BTBD8: variants seen among roughly 807,000 people sequenced by gnomAD.
BTBD8 encodes BTB domain containing 8.
Under a neutral mutation model 162.9 loss-of-function variants are expected in BTBD8, and 110 were observed. The ratio of observed to expected loss-of-function variants is 0.68; its 90% CI spans 0.58 to 0.79. The LOEUF is 0.79. Among genes scored for constraint, BTBD8 ranks in the 30% least tolerant of loss-of-function variants. The pLI is 0.00. For missense variants in BTBD8, 1,905 were observed against 2,085.4 expected (o/e 0.91, Z 1.68); for synonymous variants, 667 against 716.1 (o/e 0.93, Z 1.10).
chr1:92,089,648 G>A (rs1648246704), intron 2 of BTBD8, among the ~76,000 whole-genome samples: 1 of 152,064 alleles, frequency 6.6e-6, no homozygotes, highest in African/African-American at 2.4e-5. Context: ...CCCTCACATG[G>A]CAAAAGAGAT....
At chr1:92,141,382 A>G (rs1165084332) in intron 7 of BTBD8, among the ~76,000 whole-genome samples, 171 bp downstream of exon 7, 1 of 152,242 alleles carries the variant, frequency 6.6e-6, no homozygotes, top group Non-Finnish European at 1.5e-5. Context: ...TGTAAAAATC[A>G]GAAACTAATT....
intron 9 of BTBD8, among the ~76,000 whole-genome samples, chr1:92,156,910 C>CTT (rs1266175721): frequency 6.6e-6 from 1 of 151,136 alleles, no homozygotes; most frequent in Non-Finnish European, 1.5e-5. Context: ...TTTTAAAAAA[C>CTT]TGTTTTTCTA....
chr1:92,111,175 T>G (rs1648883503), intron 4 of BTBD8, among the ~76,000 whole-genome samples: 1 of 151,938 alleles, frequency 6.6e-6, no homozygotes, highest in African/African-American at 2.4e-5. Flanking sequence ...TGCTTTTTAG[T>G]AGAGACAGGG....
At chr1:92,109,475 G>A (rs891213864) in intron 4 of BTBD8, among the ~76,000 whole-genome samples, 1 of 152,058 alleles carries the variant, frequency 6.6e-6, no homozygotes, top group African/African-American at 2.4e-5. Flanking sequence ...GAACTAACAG[G>A]ACTGTGTTTT....
chr1:92,165,098 G>GT (rs2100664749), intron 9 of BTBD8, among the ~76,000 whole-genome samples: 1 of 150,602 alleles, frequency 6.6e-6, no homozygotes, highest in African/African-American at 2.5e-5. Context: ...TCCAGCCTGG[G>GT]TGACAGAGCA....
intron 9 of BTBD8, among the ~76,000 whole-genome samples, chr1:92,165,052 T>C (rs1650355004): frequency 6.6e-6 from 1 of 151,380 alleles, no homozygotes; most frequent in Admixed American, 6.6e-5. Context: ...TCTCAGGAGT[T>C]TGAGGCTGCA....
intron 16 of BTBD8, 98 bp downstream of exon 16, chr1:92,178,549 A>G (rs1650790316): frequency 1.1e-6 from 1 of 918,896 alleles, no homozygotes; most frequent in South Asian, 1.9e-5. Context: ...AATAAGCAAA[A>G]TATGGTTTTA....
chr1:92,177,416 A>T lies in BTBD8; in HGVS notation c.2223A>T (p.Glu741Asp). 6.4e-7 allele frequency: 1 copy of T among 1,551,752 alleles called. No individual in the cohort carries two copies. Among genetic ancestry groups the T allele is most frequent in the Non-Finnish European group, 8.7e-7 (1 of 1,146,994 alleles). Residue 741 changes from glutamate (E) to aspartate (D), a missense_variant, in exon 14 of 18, where the codon GAA becomes GAT. Physicochemically the swap from Glu to Asp is conservative, Grantham distance 45. This residue lies in a region of BTBD8 where 1,374 missense variants were observed against 1,442.7 expected (regional missense o/e 0.95). Transcript: ENST00000636805. ...GTATGGAATTCTCAATTTCCACTGA[A>T]TGTCTGGATGAACCGAAAGAAAATG... ...DSSMEFSISTECLDEPKENGS... is the reference protein window; with the variant it reads ...DSSMEFSISTDCLDEPKENGS...
intron 4 of BTBD8, among the ~76,000 whole-genome samples, chr1:92,110,435 C>T (rs1042333991): frequency 6.6e-6 from 1 of 152,200 alleles, no homozygotes; most frequent in African/African-American, 2.4e-5. Context: ...TGTTACTGAG[C>T]ACTCATTGGG....
chr1:92,129,663 G>A (rs1261503703), intron 4 of BTBD8, 24 bp from the exon 5 acceptor site: 1 of 1,560,624 alleles, frequency 6.4e-7, no homozygotes, highest in Non-Finnish European at 8.8e-7. Flanking sequence ...GTTTACCTGT[G>A]TTTCTCCCCC....
intron 9 of BTBD8, among the ~76,000 whole-genome samples, chr1:92,155,833 A>G (rs1456170609): frequency 6.6e-6 from 1 of 152,052 alleles, no homozygotes; most frequent in Non-Finnish European, 1.5e-5. Context: ...TTTTTGGTGA[A>G]GTGTTTAGAG....
At chr1:92,091,959 C>T (rs1014562156) in intron 2 of BTBD8, among the ~76,000 whole-genome samples, 1 of 152,070 alleles carries the variant, frequency 6.6e-6, no homozygotes. Flanking sequence ...ATCAGTTGCC[C>T]ATTGCTGTGG....
At chr1:92,156,611 C>T (rs1302134752) in intron 9 of BTBD8, among the ~76,000 whole-genome samples, 1 of 152,132 alleles carries the variant, frequency 6.6e-6, no homozygotes, top group Non-Finnish European at 1.5e-5. Flanking sequence ...ACAGCTCAAT[C>T]TCCTACACAT....
At chr1:92,098,381 T>A (rs565142483) in intron 2 of BTBD8, among the ~76,000 whole-genome samples, 1 of 152,322 alleles carries the variant, frequency 6.6e-6, no homozygotes, top group Non-Finnish European at 1.5e-5. Flanking sequence ...AAATCTGCTA[T>A]GAACATTTAT....
Position 92,090,334 on chromosome 1 carries a change from C to T in BTBD8, c.347+1439C>T, listed in dbSNP as rs545279187. ...TCTTCTGTATTTTTTTATTATTACCCTCCTTGTGGATGTGAACTAGTATCT... is the reference window on the plus strand; with the variant it reads ...TCTTCTGTATTTTTTTATTATTACCTTCCTTGTGGATGTGAACTAGTATCT... On this transcript the variant is annotated intron_variant, in intron 2 of 17. Transcript: ENST00000636805. Among the ~76,000 whole-genome samples the T allele has an allele frequency of 1.8e-3, 275 of 152,240 alleles. 2 individuals are homozygous for T. Among genetic ancestry groups the T allele is most frequent in the Non-Finnish European group, 3.3e-3 (224 of 68,004 alleles).
chr1:92,159,783 A>G lies in BTBD8; in HGVS notation c.1123-7175A>G, dbSNP rs140264306. ...AAAATCTGCCTTTAGTCTTATAAACATTCTCTTGTACATAAGTTGCTTTTT... is the reference window on the plus strand; with the variant it reads ...AAAATCTGCCTTTAGTCTTATAAACGTTCTCTTGTACATAAGTTGCTTTTT... On this transcript the variant is annotated intron_variant, in intron 9 of 17. Coordinates refer to ENST00000636805, the MANE Select transcript of BTBD8 (RefSeq NM_001376131.1). 4.1e-4 allele frequency among the ~76,000 whole-genome samples: 63 copies of G among 152,270 alleles called. 2 individuals carry two copies. The highest frequency in any genetic ancestry group is 1.4e-3 in the African/African-American group (60 of 41,558).
intron 6 of BTBD8, chr1:92,139,925 AAAAATAC>A: frequency 7.9e-6 from 1 of 126,278 alleles, no homozygotes; most frequent in African/African-American, 3.5e-5. Context: ...CGTCTCTACT[AAAAATAC>A]AAAAAAAAAA....
intron 4 of BTBD8, among the ~76,000 whole-genome samples, chr1:92,128,186 G>A (rs952762708): frequency 5.3e-5 from 8 of 151,406 alleles, no homozygotes; most frequent in East Asian, 3.9e-4. Flanking sequence ...GTGCGATCTC[G>A]GCTCACTGCA....
At chr1:92,134,976 C>T (rs918427518) in intron 5 of BTBD8, among the ~76,000 whole-genome samples, 3 of 151,394 alleles carry the variant, frequency 2.0e-5, no homozygotes, top group Non-Finnish European at 4.4e-5. Flanking sequence ...ACTGCAACCT[C>T]CACCTCCCGG....
Sources: allele counts gnomAD v4.1 joint callset (sites outside exome capture counted in the v4.1 genomes callset), GRCh38; gene constraint gnomAD v4.1.1; regional missense constraint gnomAD v4.1.1; transcripts MANE v1.5; gene names NCBI Gene and HGNC (gene_info 2026-07-23, HGNC 2026-07-21).